The following CFAP44 variants were observed in gnomAD, a reference collection of about 807,000 sequenced individuals.
CFAP44 encodes the protein cilia- and flagella-associated protein 44.
A neutral mutation model predicts 216.2 loss-of-function variants in CFAP44; 134 were observed. The ratio of observed to expected loss-of-function variants is 0.62; its 90% confidence interval spans 0.54 to 0.72. The LOEUF (loss-of-function observed/expected upper bound fraction) is 0.72. Among genes scored for constraint, CFAP44 ranks in the 30% least tolerant of loss-of-function variants. The pLI is 0.00. For synonymous variants in CFAP44, 700 were observed against 727.6 expected (o/e 0.96, Z 0.61); for missense variants, 2,035 against 2,182.1 (o/e 0.93, Z 1.34).
intron 2 of CFAP44, 110 bp downstream of exon 2, chr3:113,433,455 A>AAAAAAAAAAAAAAAAAAAAC (rs1935159395): frequency 2.4e-6 from 1 of 408,642 alleles, no homozygotes; most frequent in Non-Finnish European, 4.1e-6. Flanking sequence ...AAAAAAAAAA[A>AAAAAAAAAAAAAAAAAAAAC]AGATCTATTT....
chr3:113,363,454 G>C, intron 20 of CFAP44, 23 bp downstream of exon 20: 1 of 1,604,504 alleles, frequency 6.2e-7, no homozygotes. Context: ...GGCCTAGTCA[G>C]TATTTATCAA....
intron 31 of CFAP44, chr3:113,304,332 C>T: frequency 1.8e-6 from 1 of 567,472 alleles, no homozygotes; most frequent in Non-Finnish European, 3.1e-6. Flanking sequence ...GATAGCAAAT[C>T]CTCCCACACA....
chr3:113,311,828 A>G lies in CFAP44; in HGVS notation c.4517-3560T>C, dbSNP rs144634987. ...GATAGTGATATGGACAATAAGGTCC[A>G]GGCTGAGGTGGTCTCAGATGGAGAT... On this transcript the variant is annotated intron_variant, in intron 28 of 34. Transcript: ENST00000393845. Among the ~76,000 whole-genome samples the G allele has an allele frequency of 3.5e-3, 538 of 152,290 alleles. 9 individuals are homozygous for G. The highest frequency in any genetic ancestry group is 0.012 in the African/African-American group (516 of 41,514).
intron 15 of CFAP44, among the ~76,000 whole-genome samples, chr3:113,381,617 A>G (rs1408768735): frequency 6.6e-6 from 1 of 152,206 alleles, no homozygotes; most frequent in Non-Finnish European, 1.5e-5. Flanking sequence ...TTAAATTTCA[A>G]ATTAATCTCT....
chr3:113,411,383 C>A (rs1241501112), intron 6 of CFAP44, among the ~76,000 whole-genome samples: 1 of 152,226 alleles, frequency 6.6e-6, no homozygotes, highest in African/African-American at 2.4e-5. Flanking sequence ...GTTTTCCCAG[C>A]ACCATTTATT....
chr3:113,411,962 T>C (rs1307609736), intron 6 of CFAP44, among the ~76,000 whole-genome samples: 1 of 151,842 alleles, frequency 6.6e-6, no homozygotes, highest in Non-Finnish European at 1.5e-5. Flanking sequence ...TGTATAAGAA[T>C]GCTTGTGATT....
At chr3:113,293,627 G>A (rs1949852561) in intron 34 of CFAP44, among the ~76,000 whole-genome samples, 1 of 152,212 alleles carries the variant, frequency 6.6e-6, no homozygotes, top group Non-Finnish European at 1.5e-5. Context: ...CTCAGTCTGT[G>A]AAGATTTGGG....
At chr3:113,342,913 G>C in intron 23 of CFAP44, among the ~76,000 whole-genome samples, 1 of 151,808 alleles carries the variant, frequency 6.6e-6, no homozygotes, top group South Asian at 2.1e-4. Context: ...GAACCTGAGA[G>C]GTGGAGGTTG....
chr3:113,403,902 T>C lies in CFAP44; in HGVS notation c.1120A>G (p.Met374Val), dbSNP rs1050746611. The C allele has an allele frequency of 3.1e-6, 5 of 1,614,034 alleles. No homozygotes were observed. In the African/African-American group the frequency reaches 6.7e-5, roughly 22 times the overall value. The change falls in exon 9 of 35, where the codon ATG becomes GTG. Residue 374 changes from methionine to valine, a missense_variant. Around this residue, in one of 3 missense-constraint regions of CFAP44, gnomAD observed 1,883 missense variants for 2,023.7 expected, o/e 0.93. Transcript: ENST00000393845. The stretch of plus-strand genomic sequence containing the variant: ...GTGATAACTTCACCCTCATACAGCA[T>C]TATCTGGTTAATGGGACCATTGTGA... ...SCHNGPINQI[M>V]LYEGEVITVG... is the part of the protein sequence containing the mutation.
Position 113,312,326 on chromosome 3 carries a change from G to A in CFAP44, c.4517-4058C>T, listed in dbSNP as rs550315966. 3.2e-4 allele frequency among the ~76,000 whole-genome samples: 47 copies of A among 148,132 alleles called. No homozygotes were observed. The South Asian group carries it at 4.5e-3, about 14-fold the overall frequency. On this transcript the variant is annotated intron_variant, in intron 28 of 34. Transcript: ENST00000393845. ...TCTCCATCACCTGACCTCATGATCC[G>A]CCCACCTCAGCCTCCCAAAGTGCTG... is the stretch of plus-strand genomic sequence containing the variant.
intron 33 of CFAP44, 134 bp from the exon 34 acceptor site, chr3:113,294,955 A>G: frequency 1.8e-6 from 2 of 1,107,286 alleles, no homozygotes; most frequent in South Asian, 1.9e-5. Flanking sequence ...TCAGAAGCCA[A>G]TATGAAAATG....
At chr3:113,414,593 C>A (rs1934588895) in intron 6 of CFAP44, among the ~76,000 whole-genome samples, 2 of 152,068 alleles carry the variant, frequency 1.3e-5, no homozygotes, top group South Asian at 2.1e-4. Context: ...TTGTTGAAGG[C>A]CTTTTCTGCA....
At chr3:113,340,316 TA>T (rs1448680378) in intron 24 of CFAP44, among the ~76,000 whole-genome samples, 34 of 152,024 alleles carry the variant, frequency 2.2e-4, no homozygotes. Flanking sequence ...CAGAACATTA[TA>T]AAAAAAGAGA....
chr3:113,324,530 T>C (rs1950173278), intron 28 of CFAP44, among the ~76,000 whole-genome samples: 1 of 152,158 alleles, frequency 6.6e-6, no homozygotes, highest in South Asian at 2.1e-4. Flanking sequence ...CATGAATCAA[T>C]GTAGACAGGC....
intron 1 of CFAP44, among the ~76,000 whole-genome samples, chr3:113,439,000 C>T (rs1473889396): frequency 2.0e-5 from 3 of 152,192 alleles, no homozygotes; most frequent in Non-Finnish European, 2.9e-5. Context: ...AGCGGAACTA[C>T]CAATTCACCT....
rs901178318 is a variant in CFAP44 at position 113,327,654 on chromosome 3, G to A, written c.4282C>T (p.Arg1428Cys). The change falls in exon 27 of 35, where the codon CGT becomes TGT. Residue 1428 changes from arginine (R) to cysteine (C), a missense_variant. By Grantham distance (180) the Arg-to-Cys change is radical (BLOSUM62 -3). Coordinates refer to ENST00000393845, the MANE Select transcript of CFAP44 (RefSeq NM_001164496.2). ...TCCTCTTTGTCTAAGGAATTAACAC[G>A]TTCTTGAAGTATGTTCTCCTGTTTT... is the stretch of plus-strand genomic sequence containing the variant. ...FEKQENILQERVNSLDKEEQY... is the reference protein window; with the variant it reads ...FEKQENILQECVNSLDKEEQY... The A allele has an allele frequency of 4.6e-5, 70 of 1,536,814 alleles. No homozygotes were observed. In the East Asian group the frequency reaches 7.8e-4, roughly 17 times the overall value.
intron 34 of CFAP44, chr3:113,293,883 T>G: frequency 2.5e-6 from 1 of 397,820 alleles, no homozygotes; most frequent in Non-Finnish European, 4.9e-6. Flanking sequence ...GGCTGGTTAA[T>G]GCAGACTGCT....
intron 30 of CFAP44, 46 bp downstream of exon 30, chr3:113,306,155 A>T: frequency 6.6e-7 from 1 of 1,514,510 alleles, no homozygotes; most frequent in African/African-American, 1.4e-5. Context: ...AGCTAGGAGG[A>T]TGTGTAGCAT....
chr3:113,441,021 A>C (rs1935348483), intron 1 of CFAP44, among the ~76,000 whole-genome samples: 1 of 152,188 alleles, frequency 6.6e-6, no homozygotes, highest in Non-Finnish European at 1.5e-5. Flanking sequence ...TTTAATAATA[A>C]CTCCATGAGG....
Sources: gnomAD v4.1 joint callset for allele counts (sites outside exome capture counted in the v4.1 genomes callset) on GRCh38, gnomAD v4.1.1 for gene constraint, gnomAD v4.1.1 regional missense constraint, MANE v1.5 for transcripts, NCBI Gene and HGNC (gene_info 2026-07-23, HGNC 2026-07-21) for gene names.